The following SOX5 variants were observed in gnomAD, a reference collection of about 807,000 sequenced individuals.
SOX5 encodes SRY-box transcription factor 5, also known as transcription factor SOX-5.
In SOX5, 9 loss-of-function variants were observed where a neutral mutation model predicts 92.0. The observed-to-expected ratio is 0.10, with a 90% CI of 0.06 to 0.17. The LOEUF (loss-of-function observed/expected upper bound fraction) is 0.17. Among genes scored for constraint, SOX5 ranks in the 10% least tolerant of loss-of-function variants. The probability of loss-of-function intolerance (pLI) is 1.00; values close to 1 mark genes in which losing one functional copy is unlikely to be tolerated. For missense variants in SOX5, 642 were observed against 944.5 expected (o/e 0.68, Z 4.20); for synonymous variants, 344 against 336.3 (o/e 1.02, Z -0.25).
intron 1 of SOX5, among the ~76,000 whole-genome samples, chr12:24,536,119 C>T (rs1951620105): frequency 6.6e-6 from 1 of 152,194 alleles, no homozygotes; most frequent in Non-Finnish European, 1.5e-5. Context: ...TAGAGGTGAG[C>T]TCCGTAGCTC....
intron 1 of SOX5, among the ~76,000 whole-genome samples, chr12:24,508,617 T>C (rs959914328): frequency 1.3e-5 from 2 of 152,156 alleles, no homozygotes; most frequent in Non-Finnish European, 2.9e-5. Context: ...TCAGAATATA[T>C]GCAGCAGCTG....
chr12:23,701,454 C>T (rs764057193), intron 6 of SOX5, among the ~76,000 whole-genome samples: 28 of 152,014 alleles, frequency 1.8e-4, no homozygotes, highest in Non-Finnish European at 3.5e-4. Flanking sequence ...TTTCTCTCTT[C>T]ACCATAAACA....
intron 4 of SOX5, among the ~76,000 whole-genome samples, chr12:23,974,947 C>A (rs1004405478): frequency 3.9e-5 from 6 of 152,038 alleles, no homozygotes; most frequent in African/African-American, 1.2e-4. Flanking sequence ...ATAAAAGCAG[C>A]CTGACAAAAA....
At chr12:23,931,943 T>C (rs1941514086) in intron 1 of SOX5, among the ~76,000 whole-genome samples, 1 of 151,558 alleles carries the variant, frequency 6.6e-6, no homozygotes, top group Non-Finnish European at 1.5e-5. Flanking sequence ...AATGGTTTCT[T>C]GAACTAAGGA....
intron 4 of SOX5, among the ~76,000 whole-genome samples, chr12:24,007,822 C>CAT (rs1161449128): frequency 1.8e-4 from 5 of 27,428 alleles, no homozygotes; most frequent in African/African-American, 4.8e-4. Flanking sequence ...CACACACACA[C>CAT]ATATATATAT....
At chr12:24,342,216 C>G (rs1302680644) in intron 2 of SOX5, among the ~76,000 whole-genome samples, 1 of 152,168 alleles carries the variant, frequency 6.6e-6, no homozygotes, top group East Asian at 1.9e-4. Context: ...CCATAATACA[C>G]CAGAAATGAA....
chr12:23,975,705 T>A (rs1463194595), intron 4 of SOX5, among the ~76,000 whole-genome samples: 2 of 152,138 alleles, frequency 1.3e-5, no homozygotes, highest in Admixed American at 1.3e-4. Flanking sequence ...AATAATTATA[T>A]CTGCTTGTTA....
chr12:23,627,518 A>G (rs914107940), intron 8 of SOX5, among the ~76,000 whole-genome samples: 2 of 152,146 alleles, frequency 1.3e-5, no homozygotes, highest in African/African-American at 4.8e-5. Context: ...ATACCCTTGA[A>G]TCTAGGAGAT....
chr12:24,212,104 A>G (rs145387041), intron 4 of SOX5, among the ~76,000 whole-genome samples: 5 of 152,344 alleles, frequency 3.3e-5, no homozygotes, highest in Admixed American at 6.5e-5. Flanking sequence ...TTTTAAATAC[A>G]GCTTTTTGCA....
At chr12:24,004,485 C>A (rs1383834220) in intron 4 of SOX5, among the ~76,000 whole-genome samples, 1 of 151,868 alleles carries the variant, frequency 6.6e-6, no homozygotes, top group African/African-American at 2.4e-5. Flanking sequence ...AAAGAAGATG[C>A]ACAAGGAATA....
intron 2 of SOX5, among the ~76,000 whole-genome samples, chr12:24,304,801 G>A (rs1407051035): frequency 4.6e-5 from 7 of 151,916 alleles, no homozygotes; most frequent in South Asian, 2.1e-4. Flanking sequence ...TGTTGATTCC[G>A]TGCCCCAAGA....
chr12:24,478,660 C>G (rs779355056), intron 1 of SOX5, among the ~76,000 whole-genome samples: 3 of 152,156 alleles, frequency 2.0e-5, no homozygotes, highest in Non-Finnish European at 4.4e-5. Flanking sequence ...AACAAGAAAT[C>G]TTTGGAGCAT....
At chr12:24,114,513 T>C (rs1593285738) in intron 4 of SOX5, among the ~76,000 whole-genome samples, 1 of 125,216 alleles carries the variant, frequency 8.0e-6, no homozygotes, top group Admixed American at 1.0e-4. Flanking sequence ...GAAGTGGAGG[T>C]TGCAGTGAGC....
chr12:24,415,037 C>T (rs1964780379), intron 1 of SOX5, among the ~76,000 whole-genome samples: 6 of 152,202 alleles, frequency 3.9e-5, no homozygotes, highest in Admixed American at 3.9e-4. Flanking sequence ...AAAGTGGCAA[C>T]TCAAACCAAA....
intron 2 of SOX5, chr12:24,357,526 C>T (rs189409937): frequency 6.6e-6 from 1 of 152,284 alleles, no homozygotes; most frequent in East Asian, 1.9e-4. Flanking sequence ...ATAAGACTAC[C>T]TACCCCACCA....
intron 1 of SOX5, among the ~76,000 whole-genome samples, chr12:24,509,240 CT>C (rs758523745): frequency 1.3e-5 from 2 of 152,172 alleles, no homozygotes; most frequent in Non-Finnish European, 2.9e-5. Flanking sequence ...AAAGCAAATC[CT>C]TTGGTTTAAA....
At chr12:24,164,410 C>T (rs1389584422) in intron 4 of SOX5, among the ~76,000 whole-genome samples, 3 of 151,976 alleles carry the variant, frequency 2.0e-5, no homozygotes, top group African/African-American at 7.2e-5. Flanking sequence ...CACTCCTAGG[C>T]ATGTAATATT....
At chr12:24,263,150 G>T (rs146125746) in intron 3 of SOX5, among the ~76,000 whole-genome samples, 2 of 151,956 alleles carry the variant, frequency 1.3e-5, no homozygotes, top group African/African-American at 4.8e-5. Flanking sequence ...TGCTTGAACC[G>T]GGAGGCAGAG....
intron 3 of SOX5, among the ~76,000 whole-genome samples, chr12:23,838,205 C>T (rs1332422083): frequency 2.8e-5 from 4 of 140,754 alleles, no homozygotes; most frequent in African/African-American, 1.0e-4. Context: ...TTATATATAC[C>T]CATTTTTCTT....
Sources: allele counts gnomAD v4.1 joint callset (sites outside exome capture counted in the v4.1 genomes callset), GRCh38; gene constraint gnomAD v4.1.1; transcripts MANE v1.5; gene names NCBI Gene and HGNC (gene_info 2026-07-23, HGNC 2026-07-21).